The following DAB1 variants were observed in gnomAD, a reference collection of about 807,000 sequenced individuals.
DAB1 encodes the protein DAB adaptor protein 1.
A neutral mutation model predicts 64.6 loss-of-function variants in DAB1; 15 were observed. The ratio of observed to expected loss-of-function variants is 0.23; its 90% CI spans 0.16 to 0.36. The LOEUF is 0.36. Ranked by LOEUF, DAB1 falls within the 10% of genes least tolerant of loss-of-function variation. The probability of loss-of-function intolerance (pLI) is 1.00; values close to 1 mark genes in which losing one functional copy is unlikely to be tolerated. For synonymous variants in DAB1, 235 were observed against 251.9 expected (o/e 0.93, Z 0.64); for missense variants, 596 against 706.7 (o/e 0.84, Z 1.78).
At chr1:57,724,248 AAGGG>A (rs1330047492) in intron 6 of DAB1, among the ~76,000 whole-genome samples, 22 of 143,710 alleles carry the variant, frequency 1.5e-4, no homozygotes, top group African/African-American at 3.6e-4. Context: ...GAAAGAAAGG[AAGGG>A]AGGGAGGGAG....
chr1:57,198,677 A>G (rs1210008588), intron 2 of DAB1, among the ~76,000 whole-genome samples: 1 of 151,320 alleles, frequency 6.6e-6, no homozygotes, highest in Non-Finnish European at 1.5e-5. Context: ...ACACACACAC[A>G]CACACACACA....
At chr1:58,074,898 C>T (rs997649919) in intron 5 of DAB1, among the ~76,000 whole-genome samples, 52 of 152,090 alleles carry the variant, frequency 3.4e-4, no homozygotes, top group Non-Finnish European at 1.5e-4. Flanking sequence ...TCTATCAGCT[C>T]ACTCTGTCCC....
chr1:58,001,442 T>G (rs753228743), intron 5 of DAB1, among the ~76,000 whole-genome samples: 4 of 152,144 alleles, frequency 2.6e-5, no homozygotes, highest in Non-Finnish European at 4.4e-5. Flanking sequence ...GTATTTTTAC[T>G]GGAGATGGGG....
chr1:57,217,157 A>G (rs1666488316), intron 2 of DAB1, among the ~76,000 whole-genome samples: 1 of 152,238 alleles, frequency 6.6e-6, no homozygotes, highest in African/African-American at 2.4e-5. Context: ...ATTATCTTTC[A>G]GAAGGGATGG....
At chr1:58,183,068 CT>C (rs1419936312) in intron 4 of DAB1, among the ~76,000 whole-genome samples, 1 of 151,922 alleles carries the variant, frequency 6.6e-6, no homozygotes, top group Non-Finnish European at 1.5e-5. Flanking sequence ...ATCAGTTTTT[CT>C]TTTACTCCTC....
Position 58,417,094 on chromosome 1 carries a change from G to A in DAB1, n.258-73691C>T, listed in dbSNP as rs147997754. Among the ~76,000 whole-genome samples the A allele has an allele frequency of 4.3e-3, 648 of 152,206 alleles. 5 individuals carry two copies. The highest frequency in any genetic ancestry group is 0.015 in the African/African-American group (603 of 41,528). ...TTCCTATTGACTTGACAAATGTATTGGAAAGCACTTAGTAAAGGGCTGTAC... is the reference window on the plus strand; with the variant it reads ...TTCCTATTGACTTGACAAATGTATTAGAAAGCACTTAGTAAAGGGCTGTAC... On this transcript the variant is annotated intron_variant and non_coding_transcript_variant, in intron 3 of 20. Coordinates refer to the DAB1 transcript ENST00000485760.
chr1:57,443,483 C>A (rs1022347768), intron 7 of DAB1, among the ~76,000 whole-genome samples: 1 of 152,192 alleles, frequency 6.6e-6, no homozygotes, highest in African/African-American at 2.4e-5. Flanking sequence ...CATGAAATGA[C>A]CTTCCTTACT....
intron 6 of DAB1, among the ~76,000 whole-genome samples, chr1:57,808,197 GCACA>G (rs3081057): frequency 1.4e-3 from 208 of 147,732 alleles, no homozygotes; most frequent in African/African-American, 3.4e-3. Context: ...ACATGCACAT[GCACA>G]CACACACACA....
intron 5 of DAB1, among the ~76,000 whole-genome samples, chr1:58,000,413 C>T (rs1646488749): frequency 6.6e-6 from 1 of 152,156 alleles, no homozygotes; most frequent in Non-Finnish European, 1.5e-5. Context: ...CACATAAACA[C>T]ATAGACATTG....
intron 14 of DAB1, among the ~76,000 whole-genome samples, chr1:57,004,416 G>T (rs769617958): frequency 2.0e-4 from 30 of 152,208 alleles, no homozygotes; most frequent in South Asian, 4.1e-4. Context: ...CTAGTGGAGC[G>T]AAGACACTGC....
At chr1:58,162,726 A>C (rs753885624) in intron 4 of DAB1, among the ~76,000 whole-genome samples, 1 of 152,178 alleles carries the variant, frequency 6.6e-6, no homozygotes, top group Non-Finnish European at 1.5e-5. Context: ...GGTGGTATAC[A>C]TTGTATGTAT....
rs368631367 is a variant in DAB1 at position 57,589,595 on chromosome 1, A to G, written n.625+59997T>C. Among the ~76,000 whole-genome samples the G allele has an allele frequency of 5.3e-5, 8 of 152,208 alleles. No homozygotes were observed. The South Asian group carries it at 1.2e-3, about 24-fold the overall frequency. On this transcript the variant is annotated intron_variant and non_coding_transcript_variant, in intron 7 of 20. Transcript: ENST00000485760. ...AACATGGAGAAACACCATCTCTACT[A>G]AAAATACAGAAATTAGCCAGGTGTG...
At chr1:57,419,720 A>T (rs1684757357) in intron 1 of DAB1, among the ~76,000 whole-genome samples, 1 of 152,238 alleles carries the variant, frequency 6.6e-6, no homozygotes, top group Non-Finnish European at 1.5e-5. Flanking sequence ...TGTAATCTTC[A>T]TAATTTTATG....
At chr1:58,161,812 C>T (rs1286798512) in intron 4 of DAB1, among the ~76,000 whole-genome samples, 1 of 151,964 alleles carries the variant, frequency 6.6e-6, no homozygotes, top group African/African-American at 2.4e-5. Context: ...GCATTGTCAC[C>T]AAGAGCCTGG....
rs543242745 is a variant in DAB1 at position 57,816,297 on chromosome 1, G to A, written n.551+67702C>T. ...TTCCATCTCACTATGCCATGCAGCCGTCATGACTCCCAGTGAGGTGCTCTT... is the reference window on the plus strand; with the variant it reads ...TTCCATCTCACTATGCCATGCAGCCATCATGACTCCCAGTGAGGTGCTCTT... On this transcript the variant is annotated intron_variant and non_coding_transcript_variant, in intron 6 of 20. Transcript: ENST00000485760. 1.6e-3 allele frequency among the ~76,000 whole-genome samples: 240 copies of A among 152,272 alleles called. 2 individuals are homozygous for A. Among genetic ancestry groups the A allele is most frequent in the Non-Finnish European group, 2.4e-3 (161 of 68,016 alleles).
intron 6 of DAB1, among the ~76,000 whole-genome samples, chr1:57,695,389 A>AAGAAAGAAAG (rs1646827448): frequency 1.3e-5 from 1 of 74,670 alleles, no homozygotes; most frequent in Non-Finnish European, 2.9e-5. Context: ...AGAAAGAAAG[A>AAGAAAGAAAG]AAGAAAGAAA....
intron 7 of DAB1, among the ~76,000 whole-genome samples, chr1:57,574,711 C>T (rs563369011): frequency 6.6e-6 from 1 of 152,270 alleles, no homozygotes; most frequent in African/African-American, 2.4e-5. Flanking sequence ...GAACCCCAGA[C>T]CCCAGGTCAC....
At chr1:57,992,290 C>T (rs1206321966) in intron 5 of DAB1, among the ~76,000 whole-genome samples, 1 of 152,148 alleles carries the variant, frequency 6.6e-6, no homozygotes, top group Non-Finnish European at 1.5e-5. Flanking sequence ...AAAACCTTTA[C>T]TTCTTCATAT....
intron 3 of DAB1, among the ~76,000 whole-genome samples, chr1:58,436,657 A>G (rs960075523): frequency 1.6e-4 from 24 of 152,254 alleles, no homozygotes; most frequent in African/African-American, 5.8e-4. Flanking sequence ...AAGCTCAAAA[A>G]AGTAGAAATA....
Sources: gnomAD v4.1 joint callset for allele counts (sites outside exome capture counted in the v4.1 genomes callset) on GRCh38, gnomAD v4.1.1 for gene constraint, MANE v1.5 for transcripts, NCBI Gene and HGNC (gene_info 2026-07-23, HGNC 2026-07-21) for gene names.